The following RTN4RL1 variants were observed in gnomAD, a reference collection of about 807,000 sequenced individuals.
RTN4RL1 encodes the protein reticulon 4 receptor like 1.
RTN4RL1 carries 7 observed loss-of-function variants against 25.6 expected under a neutral mutation model. The observed-to-expected ratio is 0.27, with a 90% CI of 0.16 to 0.51. The LOEUF (loss-of-function observed/expected upper bound fraction) is 0.51. Ranked by LOEUF, RTN4RL1 falls within the 20% of genes least tolerant of loss-of-function variation. RTN4RL1 has a pLI of 0.97. For missense variants in RTN4RL1, 500 were observed against 615.6 expected (o/e 0.81, Z 1.99); for synonymous variants, 297 against 288.2 (o/e 1.03, Z -0.31).
rs1915577734 is a variant in RTN4RL1 at position 1,947,303 on chromosome 17, G to A, written c.14-9495C>T. ...GTGCACGTGCAAAGCCGATGCATGTGTGCAAATACACAGGTATGCACACAG... is the reference window on the plus strand; with the variant it reads ...GTGCACGTGCAAAGCCGATGCATGTATGCAAATACACAGGTATGCACACAG... On this transcript the variant is annotated intron_variant, in intron 1 of 1. Transcript: ENST00000331238. Among the ~76,000 whole-genome samples the A allele has an allele frequency of 2.0e-5, 3 of 152,214 alleles. No individual in the cohort carries two copies. The South Asian group carries it at 6.2e-4, about 31-fold the overall frequency.
At position 1,946,872 on chromosome 17, in the gene RTN4RL1, G is replaced by GTC. The variant is rs1555602590; in HGVS notation, c.14-9066_14-9065dup. 2.4e-3 allele frequency among the ~76,000 whole-genome samples: 156 copies of GTC among 64,030 alleles called. 2 individuals carry two copies. The highest frequency in any genetic ancestry group is 7.5e-3 in the African/African-American group (131 of 17,384). 42.0% of individuals were successfully genotyped at this position (64,030 alleles called of 152,430 possible). A position where few individuals can be genotyped will look rare whatever the true frequency, so the allele number is the denominator to read the frequency against. On this transcript the variant is annotated intron_variant, in intron 1 of 1. Transcript: ENST00000331238. ...TGAATGTGTGTCTGTGTGCACGTGT[G>GTC]TCTGTGTCTCTGTGTGTGCACGTGT... is the stretch of plus-strand genomic sequence containing the variant.
chr17:1,937,032 G>A lies in RTN4RL1; in HGVS notation c.790C>T (p.Arg264Cys), dbSNP rs1438935737. The change falls in exon 2 of 2, where the codon CGC (arginine) becomes TGC (cysteine). Residue 264 changes from arginine (R) to cysteine (C), a missense_variant. Physicochemically the swap from Arg to Cys is radical, Grantham distance 180. Around this residue, in one of 2 missense-constraint regions of RTN4RL1, gnomAD observed 268 missense variants for 274.5 expected, o/e 0.98. Transcript: ENST00000331238. ...GNPWDCGCRA[R>C]SLWEWLQRFR... The stretch of plus-strand genomic sequence containing the variant: ...CTCTGCAGCCATTCCCACAGGGAGC[G>A]CGCGCGACAACCACAGTCCCAGGGG... The A allele has an allele frequency of 2.5e-6, 4 of 1,604,190 alleles. No individual in the cohort carries two copies. Among genetic ancestry groups the A allele is most frequent in the Non-Finnish European group, 3.4e-6 (4 of 1,177,918 alleles).
chr17:1,980,797 T>C (rs2066863877), intron 1 of RTN4RL1, among the ~76,000 whole-genome samples: 1 of 151,218 alleles, frequency 6.6e-6, no homozygotes, highest in African/African-American at 2.4e-5. Context: ...AGTGTGGTGG[T>C]GTAGCCTGTA....
At chr17:1,961,957 AAAGAAAAGAAAAG>A (rs1460278786) in intron 1 of RTN4RL1, among the ~76,000 whole-genome samples, 2 of 148,254 alleles carry the variant, frequency 1.3e-5, no homozygotes, top group Admixed American at 6.7e-5. Context: ...CAAAAAAAAA[AAAGAAAAGAAAAG>A]AAAGAAAAGA....
chr17:1,998,705 C>T lies in RTN4RL1; in HGVS notation c.13+26148G>A, dbSNP rs1301954016. On this transcript the variant is annotated intron_variant, in intron 1 of 1. Transcript: ENST00000331238. The surrounding 1 kb of genome is among the most constrained non-coding windows in gnomAD (Gnocchi z 4.9). ...CCCAAGCTGGCGCTGCCGGAGCGCC[C>T]GGGCCCCGCTCCCCTCACGGGCCTC... Among the ~76,000 whole-genome samples, 4 of 150,758 alleles carry T rather than the reference C, an allele frequency of 2.7e-5. No individual in the cohort carries two copies. Among genetic ancestry groups the T allele is most frequent in the African/African-American group, 4.9e-5 (2 of 41,124 alleles).
At chr17:1,966,324 G>GC (rs972111295) in intron 1 of RTN4RL1, among the ~76,000 whole-genome samples, 6 of 152,156 alleles carry the variant, frequency 3.9e-5, no homozygotes, top group African/African-American at 1.4e-4. Context: ...CTGGGGCGAG[G>GC]CCCCCTCTCC....
intron 1 of RTN4RL1, among the ~76,000 whole-genome samples, chr17:2,005,469 T>C (rs2066986466): frequency 6.6e-6 from 1 of 152,246 alleles, no homozygotes; most frequent in South Asian, 2.1e-4. Flanking sequence ...GGTGAAGGGC[T>C]TGGCCACTGA....
At chr17:1,960,248 C>T (rs976433923) in intron 1 of RTN4RL1, among the ~76,000 whole-genome samples, 1 of 151,214 alleles carries the variant, frequency 6.6e-6, no homozygotes, top group Non-Finnish European at 1.5e-5. Flanking sequence ...CCGTGGCCAC[C>T]CTCACTGGTC....
At chr17:1,946,224 G>T (rs1915535292) in intron 1 of RTN4RL1, among the ~76,000 whole-genome samples, 1 of 152,236 alleles carries the variant, frequency 6.6e-6, no homozygotes, top group African/African-American at 2.4e-5. Flanking sequence ...ACCAGGACAG[G>T]TCAGTCATCC....
At chr17:1,959,586 G>A (rs1423247533) in intron 1 of RTN4RL1, among the ~76,000 whole-genome samples, 1 of 152,030 alleles carries the variant, frequency 6.6e-6, no homozygotes, top group Non-Finnish European at 1.5e-5. Flanking sequence ...TTGTTTTGAG[G>A]CAGAGTCTCA....
Position 2,008,405 on chromosome 17 carries a change from G to A in RTN4RL1, c.13+16448C>T, listed in dbSNP as rs56010848. Among the ~76,000 whole-genome samples the A allele has an allele frequency of 6.1e-3, 925 of 152,166 alleles. 7 individuals are homozygous for A. The highest frequency in any genetic ancestry group is 0.02 in the African/African-American group (829 of 41,506). The stretch of plus-strand genomic sequence containing the variant: ...GTTTGAGAAATACTGTTAATTAAAC[G>A]AGACGGGTGCATCTGCGTGAACGTA... On this transcript the variant is annotated intron_variant, in intron 1 of 1. Coordinates refer to ENST00000331238, the MANE Select transcript of RTN4RL1 (RefSeq NM_178568.4).
At chr17:1,957,196 T>G (rs896420673) in intron 1 of RTN4RL1, among the ~76,000 whole-genome samples, 2 of 152,248 alleles carry the variant, frequency 1.3e-5, no homozygotes, top group African/African-American at 2.4e-5. Flanking sequence ...TGAGTCCAAG[T>G]GCTCCTGACA....
At chr17:1,961,183 C>T (rs904457830) in intron 1 of RTN4RL1, among the ~76,000 whole-genome samples, 3 of 152,026 alleles carry the variant, frequency 2.0e-5, no homozygotes, top group African/African-American at 7.3e-5. Context: ...AAGCCATCTA[C>T]AAAGATAAAG....
intron 1 of RTN4RL1, among the ~76,000 whole-genome samples, chr17:1,982,642 A>T (rs891203895): frequency 3.7e-5 from 5 of 136,054 alleles, no homozygotes; most frequent in East Asian, 4.0e-4. Flanking sequence ...AGAAAAGAAA[A>T]GAAAAGAAAC....
chr17:2,007,876 G>A (rs28399179), intron 1 of RTN4RL1, among the ~76,000 whole-genome samples: 44,202 of 151,810 alleles, frequency 0.29, 7,005 homozygotes, highest in East Asian at 0.52. Context: ...ACCCTGGAAG[G>A]AGGAGGCTGC....
rs200721283 is a variant in RTN4RL1, at chr17:1,937,696, C to A, written c.126G>T (p.Ala42=). 1 of 1,613,154 alleles carries A rather than the reference C, an allele frequency of 6.2e-7. No homozygotes were observed. Among genetic ancestry groups the A allele is most frequent in the African/African-American group, 1.3e-5 (1 of 75,038 alleles). The change falls in exon 2 of 2, where the codon GCG becomes GCT. Residue 42 remains alanine (A), a synonymous_variant. Transcript: ENST00000331238. ...YPAPMTVSCQ[A]HNFAAIPEGI... ...CCTCCGGGATGGCTGCAAAGTTGTGCGCCTGGCAGCTGACCGTCATGGGCG... is the reference window on the plus strand; with the variant it reads ...CCTCCGGGATGGCTGCAAAGTTGTGAGCCTGGCAGCTGACCGTCATGGGCG...
intron 1 of RTN4RL1, among the ~76,000 whole-genome samples, chr17:1,942,473 G>C (rs1915459599): frequency 6.6e-6 from 1 of 152,080 alleles, no homozygotes; most frequent in Non-Finnish European, 1.5e-5. Flanking sequence ...CCTAGGGTAG[G>C]CCCCTGGAGG....
intron 1 of RTN4RL1, among the ~76,000 whole-genome samples, chr17:1,964,002 A>C (rs1457304789): frequency 6.6e-6 from 1 of 152,148 alleles, no homozygotes; most frequent in Non-Finnish European, 1.5e-5. Context: ...GCTGGATTAC[A>C]GGCGTGAGCC....
chr17:1,985,704 T>G lies in RTN4RL1; in HGVS notation c.13+39149A>C, dbSNP rs2066884641. On this transcript the variant is annotated intron_variant, in intron 1 of 1. Coordinates refer to ENST00000331238, the MANE Select transcript of RTN4RL1 (RefSeq NM_178568.4). ...TGTCACAGTACAGGTGTGACAGATG[T>G]AGGAAGCCAGCCGTCTGGTGGCTGA... 2.0e-5 allele frequency among the ~76,000 whole-genome samples: 3 copies of G among 152,088 alleles called. No homozygotes were observed. The South Asian group carries it at 6.2e-4, about 32-fold the overall frequency.
Sources: allele counts gnomAD v4.1 joint callset (sites outside exome capture counted in the v4.1 genomes callset), GRCh38; gene constraint gnomAD v4.1.1; regional missense constraint gnomAD v4.1.1; non-coding constraint Gnocchi (gnomAD v3.1); transcripts MANE v1.5; gene names NCBI Gene and HGNC (gene_info 2026-07-23, HGNC 2026-07-21).